Variants in CALN1 observed in about 807,000 individuals in gnomAD.
CALN1 encodes the protein calneuron 1, also known as calcium-binding protein 8.
CALN1 carries 17 observed loss-of-function variants against 30.6 expected under a neutral mutation model. The observed-to-expected ratio is 0.56, with a 90% CI of 0.38 to 0.83. The LOEUF is 0.83. CALN1 is among the 40% of genes least tolerant of loss of function. CALN1 has a pLI of 0.00. For missense variants in CALN1, 291 were observed against 354.9 expected, an observed-to-expected ratio of 0.82 and a Z score of 1.45; for synonymous variants, 156 against 131.4, an observed-to-expected ratio of 1.19 and a Z score of -1.28.
chr7:71,957,926 G>T (rs975029258), intron 5 of CALN1, among the ~76,000 whole-genome samples: 2 of 151,654 alleles, frequency 1.3e-5, no homozygotes, highest in Admixed American at 6.6e-5. Context: ...TTAGCCAGGC[G>T]TGGTGGCATG....
chr7:71,824,609 A>T (rs1217078263), intron 5 of CALN1, among the ~76,000 whole-genome samples: 1 of 152,138 alleles, frequency 6.6e-6, no homozygotes, highest in African/African-American at 2.4e-5. Context: ...TTTCCTGCCC[A>T]GATTTGTGAG....
intron 5 of CALN1, among the ~76,000 whole-genome samples, chr7:71,926,145 C>T (rs544860600): frequency 5.1e-4 from 78 of 152,224 alleles, no homozygotes; most frequent in African/African-American, 1.7e-3. Flanking sequence ...CCCACATGCT[C>T]GGGCTCCCTA....
chr7:72,434,355 AAAAAAAAC>A (rs1186928328), intron 1 of CALN1, among the ~76,000 whole-genome samples: 146 of 151,376 alleles, frequency 9.6e-4, no homozygotes, highest in African/African-American at 3.4e-3. Context: ...TACCAAAAAA[AAAAAAAAC>A]AAAAAAAAAA....
chr7:72,402,008 G>A (rs1352238203), intron 2 of CALN1, among the ~76,000 whole-genome samples: 1 of 152,198 alleles, frequency 6.6e-6, no homozygotes, highest in Admixed American at 6.5e-5. Context: ...CTCCTGGAAG[G>A]GATGAGCTGG....
rs190772404 is a variant in CALN1 at position 72,027,920 on chromosome 7, G to A, written c.389-4151C>T. On this transcript the variant is annotated intron_variant, in intron 4 of 6. Transcript: ENST00000395275. ...AAAAACACAAAAAAATTAGCCGGGCGTGGTGGCGGGCGCCTGTAGTCCCAG... is the reference window on the plus strand; with the variant it reads ...AAAAACACAAAAAAATTAGCCGGGCATGGTGGCGGGCGCCTGTAGTCCCAG... 6.4e-3 allele frequency among the ~76,000 whole-genome samples: 969 copies of A among 151,760 alleles called. 21 individuals are homozygous for A. The highest frequency in any genetic ancestry group is 0.057 in the East Asian group (290 of 5,124).
intron 3 of CALN1, among the ~76,000 whole-genome samples, chr7:72,136,306 T>C (rs1320140997): frequency 6.6e-6 from 1 of 152,176 alleles, no homozygotes; most frequent in Non-Finnish European, 1.5e-5. Flanking sequence ...TGTACTTTTA[T>C]ATTATGGAGA....
chr7:72,431,033 G>A (rs547492131), intron 1 of CALN1, among the ~76,000 whole-genome samples: 21 of 146,648 alleles, frequency 1.4e-4, no homozygotes, highest in East Asian at 1.2e-3. Context: ...GGGTTCAAGC[G>A]ATTCTCCTGC....
At chr7:72,444,996 A>G (rs1808479176) in intron 1 of CALN1, among the ~76,000 whole-genome samples, 1 of 151,916 alleles carries the variant, frequency 6.6e-6, no homozygotes, top group Non-Finnish European at 1.5e-5. Context: ...TGCCAGATCT[A>G]AACAAACTCC....
At chr7:72,277,491 A>G (rs555971703) in intron 3 of CALN1, among the ~76,000 whole-genome samples, 1 of 152,248 alleles carries the variant, frequency 6.6e-6, no homozygotes, top group South Asian at 2.1e-4. Flanking sequence ...AGGAATCTTG[A>G]TTCTGCCCCA....
chr7:72,316,163 G>GA (rs58358512), intron 2 of CALN1, among the ~76,000 whole-genome samples: 121,018 of 150,410 alleles, frequency 0.8, 49,889 homozygotes, highest in Middle Eastern at 0.93. Context: ...AAGAAAGAAA[G>GA]AAAAAAAAGA....
At chr7:72,214,044 C>T (rs1449814530) in intron 3 of CALN1, among the ~76,000 whole-genome samples, 2 of 152,196 alleles carry the variant, frequency 1.3e-5, no homozygotes. Context: ...TCGCTAGCTC[C>T]ACCCCAGCAA....
chr7:72,046,663 T>C (rs911240455), intron 4 of CALN1, among the ~76,000 whole-genome samples: 4 of 125,716 alleles, frequency 3.2e-5, no homozygotes, highest in Admixed American at 1.1e-4. Flanking sequence ...TGAGCCGAGA[T>C]CACGCCATTG....
rs73362117 is a variant in CALN1, at chr7:71,837,578, G to A, written c.502-27086C>T. 9.8e-4 allele frequency among the ~76,000 whole-genome samples: 149 copies of A among 152,240 alleles called. 1 individual carries two copies. The highest frequency in any genetic ancestry group is 3.6e-3 in the African/African-American group (148 of 41,540). ...GTTATGATCCATCTACAAGGCAACA[G>A]AATATAAATCAGTTATGCGAGAGCT... On this transcript the variant is annotated intron_variant, in intron 5 of 6. Coordinates refer to ENST00000395275, the MANE Select transcript of CALN1 (RefSeq NM_031468.4).
chr7:71,897,719 A>G (rs1241823723), intron 5 of CALN1, among the ~76,000 whole-genome samples: 2 of 151,814 alleles, frequency 1.3e-5, no homozygotes, highest in Non-Finnish European at 2.9e-5. Context: ...GCCTCAAAAT[A>G]TTTCTGTTAG....
intron 3 of CALN1, among the ~76,000 whole-genome samples, chr7:72,270,107 G>T (rs914478324): frequency 6.6e-6 from 1 of 151,890 alleles, no homozygotes; most frequent in African/African-American, 2.4e-5. Flanking sequence ...GTGTGTGTGT[G>T]TATGTATGTG....
intron 3 of CALN1, among the ~76,000 whole-genome samples, chr7:72,180,907 G>T (rs1789733829): frequency 6.6e-6 from 1 of 152,014 alleles, no homozygotes; most frequent in East Asian, 1.9e-4. Context: ...AGACCAGCCT[G>T]GCCAACACAG....
chr7:72,338,325 G>C (rs1802195492), intron 2 of CALN1, among the ~76,000 whole-genome samples: 1 of 152,112 alleles, frequency 6.6e-6, no homozygotes, highest in Non-Finnish European at 1.5e-5. Flanking sequence ...CCAGAGAAAA[G>C]ATACATGTGA....
At chr7:72,354,214 C>G (rs757110654) in intron 2 of CALN1, among the ~76,000 whole-genome samples, 10 of 152,026 alleles carry the variant, frequency 6.6e-5, no homozygotes, top group Non-Finnish European at 1.0e-4. Context: ...ACAATAATAT[C>G]AAAACCATGA....
intron 5 of CALN1, among the ~76,000 whole-genome samples, chr7:72,009,786 A>G (rs1003830875): frequency 2.0e-5 from 3 of 152,296 alleles, no homozygotes; most frequent in Middle Eastern, 3.4e-3. Context: ...CTTGTCTGCC[A>G]CCATGTAAGA....
Sources: allele counts gnomAD v4.1 joint callset (sites outside exome capture counted in the v4.1 genomes callset), GRCh38; gene constraint gnomAD v4.1.1; transcripts MANE v1.5; gene names NCBI Gene and HGNC (gene_info 2026-07-23, HGNC 2026-07-21).